Variants in SLC2A4 observed in about 807,000 individuals in gnomAD.
SLC2A4 encodes solute carrier family 2, facilitated glucose transporter member 4.
In SLC2A4, 31 loss-of-function variants were observed where a neutral mutation model predicts 53.3. The ratio of observed to expected loss-of-function variants is 0.58; its 90% CI spans 0.44 to 0.78. The LOEUF is 0.78. SLC2A4 is among the 30% of genes least tolerant of loss of function. The pLI is 0.00. For synonymous variants in SLC2A4, 276 were observed against 281.9 expected (o/e 0.98, Z 0.21); for missense variants, 538 against 655.7 (o/e 0.82, Z 1.96).
chr17:7,281,904 GC>G lies in SLC2A4; in HGVS notation c.-27del. Reference sequence around the variant, plus strand: ...CAGGATCGGTTCTTTCATCTTCGCCGCCCCTGCGCGTCCAGCTCTTCTAAGA... The same window carrying G: ...CAGGATCGGTTCTTTCATCTTCGCCGCCCTGCGCGTCCAGCTCTTCTAAGA... On this transcript the variant is annotated 5_prime_UTR_variant, in exon 1 of 11. Coordinates refer to ENST00000317370, the MANE Select transcript of SLC2A4 (RefSeq NM_001042.3). The G allele has an allele frequency of 6.4e-7, 1 of 1,562,538 alleles. No homozygotes were observed. Among genetic ancestry groups the G allele is most frequent in the South Asian group, 1.1e-5 (1 of 87,826 alleles).
chr17:7,282,599 C>A lies in SLC2A4; in HGVS notation c.33+632C>A, dbSNP rs2072412114. On this transcript the variant is annotated intron_variant, in intron 1 of 10. Transcript: ENST00000317370. This position sits in a 1 kb window ranked among gnomAD's most constrained non-coding sequence, Gnocchi z 4.1. ...CTCCCAGGCAGAACCCCTGGACGGC[C>A]CTCCCTGCACGGAGGTTAGAGGGGG... is the stretch of plus-strand genomic sequence containing the variant. Among the ~76,000 whole-genome samples the A allele has an allele frequency of 6.6e-6, 1 of 152,214 alleles. No homozygotes were observed. Among genetic ancestry groups the A allele is most frequent in the Admixed American group, 6.5e-5 (1 of 15,286 alleles).
rs1476221037 is a variant in SLC2A4, at chr17:7,283,256, C to T, written c.45C>T (p.Pro15=). 1 of 1,613,822 alleles carries T rather than the reference C, an allele frequency of 6.2e-7. No homozygotes were observed. The highest frequency in any genetic ancestry group is 1.1e-5 in the South Asian group (1 of 91,056). The part of the protein sequence containing the change: ...FQQIGSEDGE[P]PQQRVTGTLV... ...GTCTGCCTGTTCAGGATGGGGAACCCCCTCAGCAGCGAGTGACTGGGACCC... is the reference window on the plus strand; with the variant it reads ...GTCTGCCTGTTCAGGATGGGGAACCTCCTCAGCAGCGAGTGACTGGGACCC... Residue 15 remains proline, a synonymous_variant, in exon 2 of 11, where the codon CCC becomes CCT. Transcript: ENST00000317370. This position sits in a 1 kb window ranked among gnomAD's most constrained non-coding sequence, Gnocchi z 5.8.
In SLC2A4 at chr17:7,281,900, C is replaced by T. The variant is rs2072404931; in HGVS notation, c.-35C>T. ...ACTCCAGGATCGGTTCTTTCATCTT[C>T]GCCGCCCCTGCGCGTCCAGCTCTTC... On this transcript the variant is annotated 5_prime_UTR_variant, in exon 1 of 11. Coordinates refer to ENST00000317370, the MANE Select transcript of SLC2A4 (RefSeq NM_001042.3). 1 of 1,590,732 alleles carries T rather than the reference C, an allele frequency of 6.3e-7. No homozygotes were observed. Among genetic ancestry groups the T allele is most frequent in the Admixed American group, 1.8e-5 (1 of 56,986 alleles).
rs1368303000 is a variant in SLC2A4, at chr17:7,285,488, G to C, written c.1123-217G>C. ...CCAGCTTTAGAGTCCAGGGAGAGCT[G>C]ACCGTCATAAGAACTGAGAGGCCAT... On this transcript the variant is annotated intron_variant, in intron 9 of 10. Coordinates refer to ENST00000317370, the MANE Select transcript of SLC2A4 (RefSeq NM_001042.3). This position sits in a 1 kb window ranked among gnomAD's most constrained non-coding sequence, Gnocchi z 6.0. 6.6e-6 allele frequency among the ~76,000 whole-genome samples: 1 copy of C among 152,198 alleles called. No homozygotes were observed.
rs370552867 is a variant in SLC2A4 at position 7,283,562 on chromosome 17, C to G, written c.240C>G (p.Leu80=). The G allele has an allele frequency of 1.2e-6, 2 of 1,614,086 alleles. No individual in the cohort carries two copies. The highest frequency in any genetic ancestry group is 1.7e-6 in the Non-Finnish European group (2 of 1,180,026). The change falls in exon 3 of 11, where the codon CTC becomes CTG. Residue 80 remains leucine, a synonymous_variant. Coordinates refer to ENST00000317370, the MANE Select transcript of SLC2A4 (RefSeq NM_001042.3). This position sits in a 1 kb window ranked among gnomAD's most constrained non-coding sequence, Gnocchi z 5.8. The part of the protein sequence containing the change: ...SSIPPGTLTT[L]WALSVAIFSV... ...TCCCTCCAGGCACCCTCACCACCCT[C>G]TGGGCCCTCTCCGTGGCCATCTTTT...
Position 7,284,216 on chromosome 17 carries a change from G to C in SLC2A4, c.565-1G>C. 1 of 1,612,616 alleles carries C rather than the reference G, an allele frequency of 6.2e-7. No homozygotes were observed. Among genetic ancestry groups the C allele is most frequent in the Non-Finnish European group, 8.5e-7 (1 of 1,180,016 alleles). On this transcript the variant is annotated splice_acceptor_variant, in intron 5 of 10. Transcript: ENST00000317370. LOFTEE classifies it high-confidence loss of function. The surrounding 1 kb of genome is among the most constrained non-coding windows in gnomAD (Gnocchi z 7.5). Reference sequence around the variant, plus strand: ...CCTTCTTTCCCAACCTTCTCCCACAGGTGCTGGGCTTGGAGTCCCTCCTGG... The same window carrying C: ...CCTTCTTTCCCAACCTTCTCCCACACGTGCTGGGCTTGGAGTCCCTCCTGG...
rs1369501698 is a variant in SLC2A4, at chr17:7,284,593, T to C, written c.836T>C (p.Leu279Pro). Residue 279 changes from leucine to proline, a missense_variant, in exon 7 of 11, where the codon CTG becomes CCG. Physicochemically the swap from Leu to Pro is moderately conservative, Grantham distance 98 (BLOSUM62 -3). Coordinates refer to ENST00000317370, the MANE Select transcript of SLC2A4 (RefSeq NM_001042.3). This position sits in a 1 kb window ranked among gnomAD's most constrained non-coding sequence, Gnocchi z 7.5. Reference sequence around the variant, plus strand: ...CGGCCACTGTCCCTGCTCCAGCTCCTGGGCAGCCGTACCCACCGGCAGCCC... The same window carrying C: ...CGGCCACTGTCCCTGCTCCAGCTCCCGGGCAGCCGTACCCACCGGCAGCCC... ...RERPLSLLQL[L>P]GSRTHRQPLI... 1.2e-6 allele frequency: 2 copies of C among 1,614,008 alleles called. No homozygotes were observed. Among genetic ancestry groups the C allele is most frequent in the Admixed American group, 3.3e-5 (2 of 60,008 alleles).
In SLC2A4 at chr17:7,287,324, CCAT is replaced by C. The variant is rs1364054674; in HGVS notation, c.*696_*698del. ...TATTTTTAGTATATACGCGGTTTCA[CCAT>C]GTTAGCCAGAATGGTCTCGATCTCC... On this transcript the variant is annotated 3_prime_UTR_variant, in exon 11 of 11. Transcript: ENST00000317370. 6.6e-6 allele frequency: 1 copy of C among 152,468 alleles called. No individual in the cohort carries two copies. Among genetic ancestry groups the C allele is most frequent in the African/African-American group, 2.4e-5 (1 of 41,412 alleles). 9.4% of individuals were successfully genotyped at this position (152,468 alleles called of 1,614,324 possible). A position where few individuals can be genotyped will look rare whatever the true frequency, so the allele number is the denominator to read the frequency against.
In SLC2A4 at chr17:7,286,415, A is replaced by C; in HGVS notation, c.1327-11A>C. 6.2e-7 allele frequency: 1 copy of C among 1,612,030 alleles called. No individual in the cohort carries two copies. Among genetic ancestry groups the C allele is most frequent in the Non-Finnish European group, 8.5e-7 (1 of 1,178,912 alleles). On this transcript the variant is annotated splice_polypyrimidine_tract_variant and intron_variant, in intron 10 of 10. Transcript: ENST00000317370. ...TCACTCCGTCAACACCTCTTTCTCC[A>C]CCTGTCCCAGGAGGCTATGGGGCCC...
rs758412459 is a variant in SLC2A4, at chr17:7,284,334, C to T, written c.682C>T (p.Arg228Cys). 3.0e-5 allele frequency: 49 copies of T among 1,614,050 alleles called. No homozygotes were observed. The highest frequency in any genetic ancestry group is 3.8e-5 in the Non-Finnish European group (45 of 1,180,056). The change falls in exon 6 of 11, where the codon CGC (arginine) becomes TGC (cysteine). Residue 228 changes from arginine (R) to cysteine (C), a missense_variant. Physicochemically the swap from Arg to Cys is radical, Grantham distance 180 (BLOSUM62 -3). Coordinates refer to ENST00000317370, the MANE Select transcript of SLC2A4 (RefSeq NM_001042.3). This position sits in a 1 kb window ranked among gnomAD's most constrained non-coding sequence, Gnocchi z 7.5. ...VLLPFCPESPRYLYIIQNLEG... is the reference protein window; with the variant it reads ...VLLPFCPESPCYLYIIQNLEG... ...GCTGCCCTTCTGTCCCGAGAGCCCCCGCTACCTCTACATCATCCAGAATCT... is the reference window on the plus strand; with the variant it reads ...GCTGCCCTTCTGTCCCGAGAGCCCCTGCTACCTCTACATCATCCAGAATCT...
chr17:7,282,215 C>T lies in SLC2A4; in HGVS notation c.33+248C>T, dbSNP rs913430614. 1 of 622,160 alleles carries T rather than the reference C, an allele frequency of 1.6e-6. No homozygotes were observed. The highest frequency in any genetic ancestry group is 2.2e-5 in the Admixed American group (1 of 45,232). The allele number at this position is 622,160 out of a possible 1,614,324, so 38.5% of individuals were successfully genotyped here. ...AGTGGATTCTGCGAGCCAGGGTTCA[C>T]CCCCTTGCCTAGTAGGCGGCGCGGC... On this transcript the variant is annotated intron_variant, in intron 1 of 10. Transcript: ENST00000317370. The surrounding 1 kb of genome is among the most constrained non-coding windows in gnomAD (Gnocchi z 4.1).
chr17:7,286,315 T>C (rs892572712), intron 10 of SLC2A4, 111 bp from the exon 11 acceptor site: 1 of 850,470 alleles, frequency 1.2e-6, no homozygotes, highest in Non-Finnish European at 2.0e-6. Flanking sequence ...AGGCAGCTGC[T>C]GTCTGCCGTC....
Position 7,285,433 on chromosome 17 carries a change from C to T in SLC2A4, c.1122+244C>T, listed in dbSNP as rs1409361999. Among the ~76,000 whole-genome samples, 2 of 152,170 alleles carry T rather than the reference C, an allele frequency of 1.3e-5. No individual in the cohort carries two copies. The highest frequency in any genetic ancestry group is 6.5e-5 in the Admixed American group (1 of 15,272). On this transcript the variant is annotated intron_variant, in intron 9 of 10. Coordinates refer to ENST00000317370, the MANE Select transcript of SLC2A4 (RefSeq NM_001042.3). The surrounding 1 kb of genome is among the most constrained non-coding windows in gnomAD (Gnocchi z 6.0). Reference sequence around the variant, plus strand: ...GGCAGCCAGGAGGGAGAGCCCCTGTCAAGCCTCAGGAACAATCATTCCTAA... The same window carrying T: ...GGCAGCCAGGAGGGAGAGCCCCTGTTAAGCCTCAGGAACAATCATTCCTAA...
chr17:7,283,892 C>A lies in SLC2A4; in HGVS notation c.448+30C>A. On this transcript the variant is annotated intron_variant, in intron 4 of 10. Coordinates refer to ENST00000317370, the MANE Select transcript of SLC2A4 (RefSeq NM_001042.3). The surrounding 1 kb of genome is among the most constrained non-coding windows in gnomAD (Gnocchi z 5.8). ...TCACGGGCACCACAGCCCTGCCTAG[C>A]GCCCTGTTCTCTTTCACCATGCCTG... 10 of 1,614,112 alleles carry A rather than the reference C, an allele frequency of 6.2e-6. No homozygotes were observed. Among genetic ancestry groups the A allele is most frequent in the African/African-American group, 1.3e-5 (1 of 75,052 alleles).
rs770444032 is a variant in SLC2A4, at chr17:7,285,172, G to A, written c.1105G>A (p.Val369Met). The A allele has an allele frequency of 3.9e-5, 63 of 1,600,450 alleles. No homozygotes were observed. Among genetic ancestry groups the A allele is most frequent in the East Asian group, 6.7e-5 (3 of 44,468 alleles). ...GMCGCAILMT[V>M]ALLLLERVPA... ...GTGTGGCTGTGCCATCCTGATGACT[G>A]TGGCTCTGCTCCTGCTGGTAAGGCC... The change falls in exon 9 of 11, where the codon GTG becomes ATG. Residue 369 changes from valine (V) to methionine (M), a missense_variant. Physicochemically the swap from Val to Met is conservative, Grantham distance 21 (BLOSUM62 1). Coordinates refer to ENST00000317370, the MANE Select transcript of SLC2A4 (RefSeq NM_001042.3). The surrounding 1 kb of genome is among the most constrained non-coding windows in gnomAD (Gnocchi z 6.0).
chr17:7,286,867 A>C lies in SLC2A4; in HGVS notation c.*238A>C. ...TTGGCCGTGGCCATCAGGGTGGGCC[A>C]CTCTCCCCTCCCTCTTCCTTCCCCC... On this transcript the variant is annotated 3_prime_UTR_variant, in exon 11 of 11. Coordinates refer to ENST00000317370, the MANE Select transcript of SLC2A4 (RefSeq NM_001042.3). 3 of 488,930 alleles carry C rather than the reference A, an allele frequency of 6.1e-6. No homozygotes were observed. Among genetic ancestry groups the C allele is most frequent in the East Asian group, 3.8e-5 (1 of 26,416 alleles). The allele number at this position is 488,930 out of a possible 1,614,324, so 30.3% of individuals were successfully genotyped here.
Position 7,281,981 on chromosome 17 carries a change from T to C in SLC2A4, c.33+14T>C. 1 of 449,572 alleles carries C rather than the reference T, an allele frequency of 2.2e-6. No homozygotes were observed. Among genetic ancestry groups the C allele is most frequent in the South Asian group, 1.7e-5 (1 of 59,796 alleles). 27.8% of individuals were successfully genotyped at this position (449,572 alleles called of 1,614,324 possible). Reference sequence around the variant, plus strand: ...ATAGGCTCCGAAGTAGGATTCATCATGAGGGGGCGGGGCGGGGGGGCACGG... The same window carrying C: ...ATAGGCTCCGAAGTAGGATTCATCACGAGGGGGCGGGGCGGGGGGGCACGG... On this transcript the variant is annotated intron_variant, in intron 1 of 10. Coordinates refer to ENST00000317370, the MANE Select transcript of SLC2A4 (RefSeq NM_001042.3).
intron 10 of SLC2A4, chr17:7,286,180 G>A (rs1324871414): frequency 7.9e-6 from 5 of 630,068 alleles, no homozygotes. Context: ...AAACAGCTGG[G>A]ACTCTCCTCT....
rs918333349 is a variant in SLC2A4 at position 7,282,877 on chromosome 17, A to G, written c.34-368A>G. On this transcript the variant is annotated intron_variant, in intron 1 of 10. Transcript: ENST00000317370. The surrounding 1 kb of genome is among the most constrained non-coding windows in gnomAD (Gnocchi z 4.1). Reference sequence around the variant, plus strand: ...CACAGATAGGTAGGCAAGGCAGGCAACATCACCCCCATCTCACAGAGGACA... The same window carrying G: ...CACAGATAGGTAGGCAAGGCAGGCAGCATCACCCCCATCTCACAGAGGACA... The G allele has an allele frequency of 8.1e-6, 3 of 371,438 alleles. No homozygotes were observed. Among genetic ancestry groups the G allele is most frequent in the Non-Finnish European group, 5.2e-6 (1 of 191,820 alleles). The allele number at this position is 371,438 out of a possible 1,614,324, so 23.0% of individuals were successfully genotyped here.
Sources: gnomAD v4.1 joint callset for allele counts (sites outside exome capture counted in the v4.1 genomes callset) on GRCh38, gnomAD v4.1.1 for gene constraint, Gnocchi (gnomAD v3.1) non-coding constraint, MANE v1.5 for transcripts, NCBI Gene and HGNC (gene_info 2026-07-23, HGNC 2026-07-21) for gene names.